Variants in MUC13 observed in about 807,000 individuals in gnomAD.
The protein encoded by MUC13 is mucin 13, cell surface associated.
In MUC13, 32 loss-of-function variants were observed where a neutral mutation model predicts 48.3. The ratio of observed to expected loss-of-function variants is 0.66; its 90% CI spans 0.50 to 0.89. MUC13 has a LOEUF of 0.89. Among genes scored for constraint, MUC13 ranks in the 40% least tolerant of loss-of-function variants. The pLI is 0.00. For synonymous variants in MUC13, 199 were observed against 224.9 expected (o/e 0.88, Z 1.03); for missense variants, 571 against 622.8 (o/e 0.92, Z 0.88).
At chr3:124,915,644 G>A (rs138021191) in intron 6 of MUC13, among the ~76,000 whole-genome samples, 2 of 152,304 alleles carry the variant, frequency 1.3e-5, no homozygotes, top group African/African-American at 2.4e-5. Context: ...CACAGCAAAC[G>A]CAAATTGCTA....
intron 5 of MUC13, among the ~76,000 whole-genome samples, chr3:124,919,415 C>G (rs1935556972): frequency 6.9e-6 from 1 of 145,020 alleles, no homozygotes; most frequent in Admixed American, 7.0e-5. Context: ...GTCTTGAACT[C>G]CTGGCCTCAA....
In MUC13 at chr3:124,920,304, A is replaced by G; in HGVS notation, c.745-15T>C. ...ACATCTTTAAACTGTGGAGGAAAAC[A>G]GATTTAATAACAAGTAAAAAAAATT... On this transcript the variant is annotated splice_polypyrimidine_tract_variant and intron_variant, in intron 4 of 11. Transcript: ENST00000616727. 6.3e-7 allele frequency: 1 copy of G among 1,581,636 alleles called. No individual in the cohort carries two copies. Among genetic ancestry groups the G allele is most frequent in the Non-Finnish European group, 8.6e-7 (1 of 1,165,306 alleles).
rs1029266036 is a variant in MUC13 at position 124,925,732 on chromosome 3, G to A, written c.514+1800C>T. On this transcript the variant is annotated intron_variant, in intron 2 of 11. Transcript: ENST00000616727. ...AGGCTTGAGTGATACTCCCACTTCA[G>A]CCTCCTGAGTAGCTGAGACTACAGG... 4.6e-5 allele frequency among the ~76,000 whole-genome samples: 7 copies of A among 152,288 alleles called. No homozygotes were observed. The East Asian group carries it at 1.4e-3, about 29-fold the overall frequency.
rs368607522 is a variant in MUC13, at chr3:124,927,625, T to C, written c.421A>G (p.Asn141Asp). The change falls in exon 2 of 12, where the codon AAC (asparagine) becomes GAC (aspartate). Residue 141 changes from asparagine to aspartate, a missense_variant. Physicochemically the swap from Asn to Asp is conservative, Grantham distance 23. Coordinates refer to ENST00000616727, the MANE Select transcript of MUC13 (RefSeq NM_033049.4). ...ITMVPSETQS[N>D]NEMSPTTEDN... Reference sequence around the variant, plus strand: ...TCTGTGGTGGGGGACATTTCATTGTTACTTTGTGTTTCAGAAGGAACCATT... The same window carrying C: ...TCTGTGGTGGGGGACATTTCATTGTCACTTTGTGTTTCAGAAGGAACCATT... The C allele has an allele frequency of 2.5e-6, 4 of 1,614,166 alleles. No individual in the cohort carries two copies. Among genetic ancestry groups the C allele is most frequent in the East Asian group, 2.2e-5 (1 of 44,906 alleles).
intron 3 of MUC13, 111 bp from the exon 4 acceptor site, chr3:124,922,414 T>C: frequency 7.7e-7 from 1 of 1,301,664 alleles, no homozygotes; most frequent in Non-Finnish European, 1.0e-6. Context: ...ATAACGACAC[T>C]ACAGGAAATC....
intron 1 of MUC13, among the ~76,000 whole-genome samples, chr3:124,929,180 A>AT (rs1157656889): frequency 8.9e-4 from 106 of 118,864 alleles, no homozygotes; most frequent in Middle Eastern, 8.4e-3. Context: ...CTTTTATTTT[A>AT]TTTTTTTTTT....
chr3:124,910,528 C>T, intron 9 of MUC13, 29 bp from the exon 10 acceptor site: 1 of 1,612,992 alleles, frequency 6.2e-7, no homozygotes, highest in African/African-American at 1.3e-5. Flanking sequence ...TAAGAACAGT[C>T]TCCAACAAGC....
chr3:124,915,665 G>A (rs893033722), intron 6 of MUC13, among the ~76,000 whole-genome samples: 2 of 152,182 alleles, frequency 1.3e-5, no homozygotes, highest in African/African-American at 4.8e-5. Flanking sequence ...CAGCTACATG[G>A]TGGGTTCGTG....
intron 1 of MUC13, among the ~76,000 whole-genome samples, chr3:124,929,148 T>A (rs1490176586): frequency 6.6e-6 from 1 of 151,496 alleles, no homozygotes; most frequent in African/African-American, 2.4e-5. Context: ...AGGGATCCAG[T>A]GATCCATTTT....
chr3:124,916,182 G>A, intron 6 of MUC13, 135 bp downstream of exon 6: 1 of 702,530 alleles, frequency 1.4e-6, no homozygotes, highest in South Asian at 2.0e-5. Context: ...AGAAGAATTG[G>A]ATAAAAAGAA....
Position 124,923,554 on chromosome 3 carries a change from A to T in MUC13, c.610T>A (p.Tyr204Asn). The T allele has an allele frequency of 6.2e-7, 1 of 1,613,986 alleles. No individual in the cohort carries two copies. The highest frequency in any genetic ancestry group is 8.5e-7 in the Non-Finnish European group (1 of 1,179,874). Residue 204 changes from tyrosine to asparagine, a missense_variant, in exon 3 of 12, where the codon TAC becomes AAC. Coordinates refer to ENST00000616727, the MANE Select transcript of MUC13 (RefSeq NM_033049.4). ...TTCTTACATGTAGAAGAGTTGTAGT[A>T]ATACCCTTCTAAACACAGGCAAAAA... ...TSFCLCLEGY[Y>N]YNSSTCKKGK...
At chr3:124,919,103 C>T (rs1366386061) in intron 5 of MUC13, among the ~76,000 whole-genome samples, 7 of 151,724 alleles carry the variant, frequency 4.6e-5, no homozygotes, top group African/African-American at 9.7e-5. Flanking sequence ...TTTGGGAGGC[C>T]GAGGCGGGTG....
chr3:124,913,803 G>A (rs954485784), intron 6 of MUC13, 122 bp from the exon 7 acceptor site: 72 of 1,057,406 alleles, frequency 6.8e-5, no homozygotes, highest in Non-Finnish European at 9.4e-5. Context: ...GGGGCCAAGT[G>A]CAGTGGCTCA....
At chr3:124,907,278 A>G (rs1243097568) in intron 11 of MUC13, among the ~76,000 whole-genome samples, 1 of 152,128 alleles carries the variant, frequency 6.6e-6, no homozygotes, top group Non-Finnish European at 1.5e-5. Flanking sequence ...AAGTGCTAGG[A>G]GTATGGGATG....
Position 124,919,894 on chromosome 3 carries a change from T to G in MUC13, c.800+340A>C, listed in dbSNP as rs562727605. Among the ~76,000 whole-genome samples, 186 of 152,294 alleles carry G rather than the reference T, an allele frequency of 1.2e-3. 1 individual carries two copies. Among genetic ancestry groups the G allele is most frequent in the African/African-American group, 4.3e-3 (178 of 41,562 alleles). On this transcript the variant is annotated intron_variant, in intron 5 of 11. Coordinates refer to ENST00000616727, the MANE Select transcript of MUC13 (RefSeq NM_033049.4). ...TCAGTCTCCCCCCGGCCCACTGGAA[T>G]GCACATTCCAGAGATTGACTAGATA... is the stretch of plus-strand genomic sequence containing the variant.
chr3:124,914,295 A>G (rs59568396), intron 6 of MUC13, among the ~76,000 whole-genome samples: 25,539 of 152,070 alleles, frequency 0.17, 2,359 homozygotes, highest in South Asian at 0.22. Context: ...CTGTAATATC[A>G]GCTACTCAGG....
intron 3 of MUC13, 43 bp downstream of exon 3, chr3:124,923,484 G>A: frequency 1.3e-6 from 2 of 1,576,078 alleles, no homozygotes; most frequent in Non-Finnish European, 8.6e-7. Flanking sequence ...CACTTTTGGT[G>A]TGAGATACAG....
intron 5 of MUC13, among the ~76,000 whole-genome samples, chr3:124,919,812 G>A (rs1339210368): frequency 1.3e-5 from 2 of 152,092 alleles, no homozygotes; most frequent in African/African-American, 4.8e-5. Flanking sequence ...AGTGTGATTT[G>A]GGTGTTCTTG....
rs756764286 is a variant in MUC13 at position 124,923,508 on chromosome 3, C to A, written c.637+19G>T. On this transcript the variant is annotated intron_variant, in intron 3 of 11. Coordinates refer to ENST00000616727, the MANE Select transcript of MUC13 (RefSeq NM_033049.4). ...TGTGAGATACAGAGCTCAGCCATGG[C>A]TCATCCCTTGTAACTCACCTTTCTT... 6.2e-7 allele frequency: 1 copy of A among 1,611,194 alleles called. No individual in the cohort carries two copies. Among genetic ancestry groups the A allele is most frequent in the Admixed American group, 1.7e-5 (1 of 59,626 alleles).
Sources: gnomAD v4.1 joint callset for allele counts (sites outside exome capture counted in the v4.1 genomes callset) on GRCh38, gnomAD v4.1.1 for gene constraint, MANE v1.5 for transcripts, NCBI Gene and HGNC (gene_info 2026-07-23, HGNC 2026-07-21) for gene names.